Variants in PANX1 observed in about 807,000 individuals in gnomAD.
PANX1 encodes pannexin 1, also known as pannexin-1.
In PANX1, 30 loss-of-function variants were observed where a neutral mutation model predicts 38.7. That is an observed-to-expected ratio of 0.78 (90% CI 0.58 to 1.05). The LOEUF (loss-of-function observed/expected upper bound fraction) is 1.05, where lower values mean the gene tolerates loss of function less well. PANX1 is among the 50% of genes least tolerant of loss of function. The pLI is 0.00. For missense variants in PANX1, 551 were observed against 517.2 expected, an observed-to-expected ratio of 1.07 and a Z score of -0.63; for synonymous variants, 230 against 212.2, an observed-to-expected ratio of 1.08 and a Z score of -0.73.
At chr11:94,156,026 G>A (rs1343651092) in intron 2 of PANX1, among the ~76,000 whole-genome samples, 3 of 151,374 alleles carry the variant, frequency 2.0e-5, no homozygotes, top group African/African-American at 4.9e-5. Context: ...GAGTTTTAAT[G>A]AGTCACTGGG....
chr11:94,145,927 T>C (rs1330963994), intron 1 of PANX1, among the ~76,000 whole-genome samples: 1 of 152,238 alleles, frequency 6.6e-6, no homozygotes, highest in Non-Finnish European at 1.5e-5. Context: ...TACAATTTTT[T>C]ATAAAAGATT....
Position 94,129,226 on chromosome 11 carries a change from C to T in PANX1, c.-87C>T, listed in dbSNP as rs1751908930. On this transcript the variant is annotated 5_prime_UTR_variant, in exon 1 of 5. Transcript: ENST00000227638. The stretch of plus-strand genomic sequence containing the variant: ...AAAGGGAAAGCGAAAGCCGCGCGCC[C>T]GGCCGGTGACTGGGTGAAGGCGCCG... 6 of 1,195,468 alleles carry T rather than the reference C, an allele frequency of 5.0e-6. No individual in the cohort carries two copies. Among genetic ancestry groups the T allele is most frequent in the South Asian group, 3.0e-5 (2 of 65,808 alleles). The allele number at this position is 1,195,468 out of a possible 1,614,324, so 74.1% of individuals were successfully genotyped here. A position where few individuals can be genotyped will look rare whatever the true frequency, so the allele number is the denominator to read the frequency against.
chr11:94,154,598 T>A (rs1224884062), intron 2 of PANX1, among the ~76,000 whole-genome samples: 2 of 152,182 alleles, frequency 1.3e-5, no homozygotes, highest in Non-Finnish European at 2.9e-5. Flanking sequence ...AGACACACCA[T>A]CAGCATCCTT....
chr11:94,131,125 C>A (rs184211776), intron 1 of PANX1, among the ~76,000 whole-genome samples: 3 of 152,088 alleles, frequency 2.0e-5, no homozygotes, highest in African/African-American at 7.2e-5. Context: ...GTGCTGACCT[C>A]CAAGGACCCG....
At chr11:94,133,940 G>A (rs2134472435) in intron 1 of PANX1, among the ~76,000 whole-genome samples, 1 of 152,328 alleles carries the variant, frequency 6.6e-6, no homozygotes, top group East Asian at 1.9e-4. Flanking sequence ...CCAGTTGCTT[G>A]GAAGTGCGCC....
Position 94,181,026 on chromosome 11 carries a change from A to C in PANX1, c.*157A>C, listed in dbSNP as rs1287860366. ...TGAGTCCCTAATGGAAATGGTGATC[A>C]ACAAAAGGTTATGGAAGAATGGTTT... On this transcript the variant is annotated 3_prime_UTR_variant, in exon 5 of 5. Transcript: ENST00000227638. 1.6e-6 allele frequency: 1 copy of C among 607,894 alleles called. No homozygotes were observed. Among genetic ancestry groups the C allele is most frequent in the African/African-American group, 1.9e-5 (1 of 53,954 alleles). The allele number at this position is 607,894 out of a possible 1,614,324, so 37.7% of individuals were successfully genotyped here.
At chr11:94,137,674 A>C (rs1439241009) in intron 1 of PANX1, among the ~76,000 whole-genome samples, 1 of 147,032 alleles carries the variant, frequency 6.8e-6, no homozygotes, top group African/African-American at 2.5e-5. Context: ...TGGGGGGTGA[A>C]AGGGGTGGTG....
chr11:94,139,831 C>G (rs1591506479), intron 1 of PANX1, among the ~76,000 whole-genome samples: 1 of 152,220 alleles, frequency 6.6e-6, no homozygotes, highest in South Asian at 2.1e-4. Context: ...GAACCTCGCT[C>G]TGTGTATCTC....
chr11:94,161,258 C>A lies in PANX1; in HGVS notation c.321+7628C>A, dbSNP rs568115835. 4.3e-3 allele frequency among the ~76,000 whole-genome samples: 657 copies of A among 152,252 alleles called. 4 individuals carry two copies. Among genetic ancestry groups the A allele is most frequent in the African/African-American group, 0.015 (622 of 41,538 alleles). Reference sequence around the variant, plus strand: ...GTGGCGTTCTCTGTATTTCCTGAATCTGAATGTTGGCCTGACTTGCTAGAT... The same window carrying A: ...GTGGCGTTCTCTGTATTTCCTGAATATGAATGTTGGCCTGACTTGCTAGAT... On this transcript the variant is annotated intron_variant, in intron 2 of 4. Coordinates refer to ENST00000227638, the MANE Select transcript of PANX1 (RefSeq NM_015368.4).
At chr11:94,132,256 C>T (rs1324453896) in intron 1 of PANX1, among the ~76,000 whole-genome samples, 3 of 152,166 alleles carry the variant, frequency 2.0e-5, no homozygotes, top group Admixed American at 6.5e-5. Context: ...TCTGGAAGCA[C>T]GGTCTAGTAG....
intron 2 of PANX1, among the ~76,000 whole-genome samples, chr11:94,172,806 G>A (rs1013678790): frequency 5.1e-4 from 77 of 151,706 alleles, no homozygotes; most frequent in African/African-American, 1.7e-3. Flanking sequence ...TAGATCCGTG[G>A]GAAGGCTGCT....
chr11:94,161,938 G>A (rs780143920), intron 2 of PANX1, among the ~76,000 whole-genome samples: 1 of 152,170 alleles, frequency 6.6e-6, no homozygotes, highest in Non-Finnish European at 1.5e-5. Context: ...CCTTCTAACA[G>A]TCAGCACCCT....
intron 2 of PANX1, among the ~76,000 whole-genome samples, chr11:94,154,823 C>A (rs1325367670): frequency 1.3e-5 from 2 of 152,130 alleles, no homozygotes; most frequent in African/African-American, 4.8e-5. Flanking sequence ...ATTTTATATG[C>A]TATATGTATT....
chr11:94,136,935 G>C (rs1010926426), intron 1 of PANX1, among the ~76,000 whole-genome samples: 1 of 152,038 alleles, frequency 6.6e-6, no homozygotes, highest in Non-Finnish European at 1.5e-5. Flanking sequence ...GGGAGGCCTC[G>C]GGAAACACAG....
At position 94,180,194 on chromosome 11, in the gene PANX1, G is replaced by A. The variant is rs763831959; in HGVS notation, c.1138G>A (p.Gly380Ser). 2.5e-6 allele frequency: 4 copies of A among 1,613,794 alleles called. No homozygotes were observed. The highest frequency in any genetic ancestry group is 3.3e-5 in the Admixed American group (2 of 59,990). Residue 380 changes from glycine (G) to serine (S), a missense_variant, in exon 4 of 5, where the codon GGC (glycine) becomes AGC (serine). Transcript: ENST00000227638. ...LGMIKMDVVDGKTPMSAEMRE... is the reference protein window; with the variant it reads ...LGMIKMDVVDSKTPMSAEMRE... Reference sequence around the variant, plus strand: ...CATGATCAAGATGGATGTTGTTGATGGCAAAACTCCCATGTCTGCAGAGAT... The same window carrying A: ...CATGATCAAGATGGATGTTGTTGATAGCAAAACTCCCATGTCTGCAGAGAT...
chr11:94,154,502 T>C (rs1256364998), intron 2 of PANX1, among the ~76,000 whole-genome samples: 1 of 152,258 alleles, frequency 6.6e-6, no homozygotes, highest in East Asian at 1.9e-4. Context: ...CTTCTGGTAT[T>C]CTTTTCTGCT....
Position 94,179,836 on chromosome 11 carries a change from C to T in PANX1, c.780C>T (p.Pro260=), listed in dbSNP as rs768342006. 3.3e-5 allele frequency: 54 copies of T among 1,614,074 alleles called. 1 individual carries two copies. Among genetic ancestry groups the T allele is most frequent in the South Asian group, 3.1e-4 (28 of 91,074 alleles). The part of the protein sequence containing the change: ...SGILRNDSTV[P]DQFQCKLIAV... ...TCCTGAGAAACGACAGCACCGTGCC[C>T]GATCAGTTTCAGTGCAAACTCATTG... Residue 260 remains proline (P), a synonymous_variant, in exon 4 of 5, where the codon CCC becomes CCT. Transcript: ENST00000227638.
At chr11:94,171,828 T>C (rs917862687) in intron 2 of PANX1, among the ~76,000 whole-genome samples, 1 of 150,576 alleles carries the variant, frequency 6.6e-6, no homozygotes, top group Non-Finnish European at 1.5e-5. Flanking sequence ...CTGTGAGGCC[T>C]TTGCTGGAGA....
chr11:94,151,385 A>C (rs898294368), intron 1 of PANX1, among the ~76,000 whole-genome samples: 5 of 152,318 alleles, frequency 3.3e-5, no homozygotes, highest in African/African-American at 1.2e-4. Flanking sequence ...AATGTTAATA[A>C]ATGTTGGATA....
Sources: gnomAD v4.1 joint callset for allele counts (sites outside exome capture counted in the v4.1 genomes callset) on GRCh38, gnomAD v4.1.1 for gene constraint, MANE v1.5 for transcripts, NCBI Gene and HGNC (gene_info 2026-07-23, HGNC 2026-07-21) for gene names.